Variants in ANKRD26 observed in about 807,000 individuals in gnomAD.
ANKRD26 encodes the protein ankyrin repeat domain 26.
ANKRD26 carries 141 observed loss-of-function variants against 208.7 expected under a neutral mutation model. The observed-to-expected ratio is 0.68, with a 90% CI of 0.59 to 0.78. The LOEUF is 0.78. Ranked by LOEUF, ANKRD26 falls within the 30% of genes least tolerant of loss-of-function variation. The pLI is 0.00. For synonymous variants in ANKRD26, 636 were observed against 660.4 expected (o/e 0.96, Z 0.57); for missense variants, 1,889 against 1,938.7 (o/e 0.97, Z 0.48).
At chr10:27,010,183 C>T (rs2053047053) in intron 32 of ANKRD26, among the ~76,000 whole-genome samples, 1 of 152,092 alleles carries the variant, frequency 6.6e-6, no homozygotes. Flanking sequence ...AGTCACTTGA[C>T]CTGACAGAAT....
intron 5 of ANKRD26, among the ~76,000 whole-genome samples, chr10:26,992,672 T>C (rs978305167): frequency 3.3e-5 from 5 of 152,162 alleles, no homozygotes; most frequent in Non-Finnish European, 5.9e-5. Context: ...GAATATACTA[T>C]TACAACATTG....
chr10:27,078,570 T>A (rs1589348971), intron 7 of ANKRD26, among the ~76,000 whole-genome samples: 3 of 152,276 alleles, frequency 2.0e-5, no homozygotes, highest in South Asian at 2.1e-4. Context: ...TCATAGGATA[T>A]CCCTGATAAT....
the ANKRD26 span, among the ~76,000 whole-genome samples, chr10:26,960,170 G>T: frequency 4.6e-5 from 7 of 152,108 alleles, no homozygotes; most frequent in East Asian, 1.2e-3. Flanking sequence ...AGGGGGGGTA[G>T]TGTCTATTTT....
intron 32 of ANKRD26, among the ~76,000 whole-genome samples, chr10:27,007,484 T>A (rs1434092062): frequency 6.6e-6 from 1 of 152,134 alleles, no homozygotes; most frequent in African/African-American, 2.4e-5. Flanking sequence ...TGAAATCCCG[T>A]CTCTATTAAA....
chr10:26,988,143 A>G (rs914491951), downstream of ANKRD26, among the ~76,000 whole-genome samples: 1 of 152,190 alleles, frequency 6.6e-6, no homozygotes, highest in Non-Finnish European at 1.5e-5. Flanking sequence ...ATGCATACAG[A>G]GGTTGAGCCA....
rs1564368214 is a variant in ANKRD26, at chr10:27,028,839, G to C, written c.3972+13C>G. The C allele has an allele frequency of 1.9e-6, 3 of 1,604,666 alleles. No individual in the cohort carries two copies. The highest frequency in any genetic ancestry group is 1.3e-5 in the African/African-American group (1 of 74,644). On this transcript the variant is annotated intron_variant, in intron 27 of 33. Transcript: ENST00000376087. ...TCCTTTTCAGTACGACAGAAATTAA[G>C]TGGCTGACTTACCAAATTTGCATTT... is the stretch of plus-strand genomic sequence containing the variant.
chr10:27,079,528 G>A (rs1262277049), intron 6 of ANKRD26, among the ~76,000 whole-genome samples: 4 of 152,076 alleles, frequency 2.6e-5, no homozygotes, highest in Admixed American at 6.6e-5. Flanking sequence ...TATAACTTTC[G>A]TTACCTGAAC....
intron 6 of ANKRD26, among the ~76,000 whole-genome samples, chr10:27,082,421 G>A (rs757604992): frequency 6.6e-6 from 1 of 152,202 alleles, no homozygotes; most frequent in Non-Finnish European, 1.5e-5. Context: ...GGACTAACCA[G>A]GCTCCTAAGA....
chr10:26,968,777 G>A, the ANKRD26 span, among the ~76,000 whole-genome samples: 5 of 152,192 alleles, frequency 3.3e-5, no homozygotes, highest in Non-Finnish European at 7.3e-5. Flanking sequence ...AATTTAGCTA[G>A]TGGCATTCCA....
At chr10:27,019,705 A>G (rs754197065) in intron 29 of ANKRD26, among the ~76,000 whole-genome samples, 3 of 152,220 alleles carry the variant, frequency 2.0e-5, no homozygotes, top group Non-Finnish European at 4.4e-5. Flanking sequence ...ATTGTTTGCC[A>G]TGAATAAATT....
intron 16 of ANKRD26, chr10:27,051,090 A>T: frequency 1.6e-6 from 2 of 1,265,910 alleles, no homozygotes; most frequent in Non-Finnish European, 2.0e-6. Flanking sequence ...TTCTTTCTCC[A>T]AAGCCTGGAA....
In ANKRD26 at chr10:27,040,778, C is replaced by T. The variant is rs150006391; in HGVS notation, c.2162-600G>A. On this transcript the variant is annotated intron_variant, in intron 20 of 33. Transcript: ENST00000376087. ...GGCGTAGTGGGTCACACCTGTAATC[C>T]CAGCACTTTAGGAGGCTGAGGTGGG... Among the ~76,000 whole-genome samples, 488 of 152,118 alleles carry T rather than the reference C, an allele frequency of 3.2e-3. 2 individuals are homozygous for T. Among genetic ancestry groups the T allele is most frequent in the Non-Finnish European group, 5.6e-3 (378 of 67,964 alleles).
At chr10:27,026,892 T>C (rs1028616240) in intron 27 of ANKRD26, among the ~76,000 whole-genome samples, 4 of 152,080 alleles carry the variant, frequency 2.6e-5, no homozygotes, top group African/African-American at 9.7e-5. Context: ...GTTCAAGCAA[T>C]TCTCCTACTT....
At position 27,005,062 on chromosome 10, in the gene ANKRD26, T is replaced by A. The variant is rs997938415; in HGVS notation, c.*528A>T. Reference sequence around the variant, plus strand: ...AAACTGAAGGCTATTTCCAAAAGGTTAATTAAAAATAAATAAACAAACAGA... The same window carrying A: ...AAACTGAAGGCTATTTCCAAAAGGTAAATTAAAAATAAATAAACAAACAGA... On this transcript the variant is annotated 3_prime_UTR_variant, in exon 34 of 34. Coordinates refer to ENST00000376087, the MANE Select transcript of ANKRD26 (RefSeq NM_014915.3). 87 of 984,852 alleles carry A rather than the reference T, an allele frequency of 8.8e-5. No individual in the cohort carries two copies. Among genetic ancestry groups the A allele is most frequent in the Non-Finnish European group, 1.0e-4 (86 of 829,534 alleles). 61.0% of individuals were successfully genotyped at this position (984,852 alleles called of 1,614,324 possible). A position where few individuals can be genotyped will look rare whatever the true frequency, so the allele number is the denominator to read the frequency against.
At chr10:27,043,228 C>T (rs1179161430) in intron 20 of ANKRD26, among the ~76,000 whole-genome samples, 198 bp downstream of exon 20, 2 of 148,038 alleles carry the variant, frequency 1.4e-5, no homozygotes, top group East Asian at 3.9e-4. Flanking sequence ...AGAAAAAAAT[C>T]CCTGCAAAAA....
At chr10:26,999,614 T>C (rs1466584363), downstream of ANKRD26, among the ~76,000 whole-genome samples, 3 of 151,952 alleles carry the variant, frequency 2.0e-5, no homozygotes, top group Non-Finnish European at 4.4e-5. Context: ...AGGAGAAACC[T>C]CATTGGAGCC....
intron 16 of ANKRD26, chr10:27,052,194 C>A: frequency 2.1e-6 from 2 of 973,174 alleles, no homozygotes; most frequent in Non-Finnish European, 2.4e-6. Context: ...AATTAAAATT[C>A]AACTGTTAAA....
chr10:27,063,122 C>T (rs1322675660), intron 12 of ANKRD26, among the ~76,000 whole-genome samples: 1 of 152,088 alleles, frequency 6.6e-6, no homozygotes, highest in African/African-American at 2.4e-5. Flanking sequence ...TGCCTGTATT[C>T]ATCTACAGCA....
chr10:26,955,195 G>A, the ANKRD26 span, among the ~76,000 whole-genome samples: 2,720 of 151,868 alleles, frequency 0.018, 81 homozygotes, highest in African/African-American at 0.06. Flanking sequence ...TTGGGAGGCC[G>A]AGGTGAGCAG....
Sources: allele counts gnomAD v4.1 joint callset (sites outside exome capture counted in the v4.1 genomes callset), GRCh38; gene constraint gnomAD v4.1.1; transcripts MANE v1.5; gene names NCBI Gene and HGNC (gene_info 2026-07-23, HGNC 2026-07-21).